Variants in ANKRD55 observed in about 807,000 individuals in gnomAD.
The protein encoded by ANKRD55 is ankyrin repeat domain 55.
In ANKRD55, 41 loss-of-function variants were observed where a neutral mutation model predicts 60.6. The ratio of observed to expected loss-of-function variants is 0.68; its 90% CI spans 0.53 to 0.88. ANKRD55 has a LOEUF of 0.88. ANKRD55 is among the 40% of genes least tolerant of loss of function. The pLI is 0.00. For synonymous variants in ANKRD55, 264 were observed against 290.3 expected (o/e 0.91, Z 0.92); for missense variants, 732 against 767.6 (o/e 0.95, Z 0.55).
chr5:56,105,108 A>T (rs1342028152), intron 10 of ANKRD55, among the ~76,000 whole-genome samples: 1 of 140,820 alleles, frequency 7.1e-6, no homozygotes, highest in Non-Finnish European at 1.5e-5. Flanking sequence ...TTTTTTGGAG[A>T]CAGTGTCTCA....
intron 2 of ANKRD55, among the ~76,000 whole-genome samples, chr5:56,206,527 G>T (rs1759513345): frequency 6.6e-6 from 1 of 152,158 alleles, no homozygotes; most frequent in African/African-American, 2.4e-5. Flanking sequence ...CTCCTTTACG[G>T]AGCCCCTGCA....
At position 56,231,522 on chromosome 5, in the gene ANKRD55, T is replaced by A. The variant is rs1760251207; in HGVS notation, c.58+1334A>T. ...TCTTTGGTTCTTAGCAGATTTTCAC[T>A]TTTACTGACTGCCATCAGTGATATA... On this transcript the variant is annotated intron_variant, in intron 2 of 11. Transcript: ENST00000341048. Among the ~76,000 whole-genome samples, 2 of 152,122 alleles carry A rather than the reference T, an allele frequency of 1.3e-5. 1 individual carries two copies. Among genetic ancestry groups the A allele is most frequent in the South Asian group, 4.1e-4 (2 of 4,830 alleles).
intron 9 of ANKRD55, among the ~76,000 whole-genome samples, chr5:56,112,504 CAA>C (rs1187255213): frequency 3.9e-5 from 1 of 25,694 alleles, no homozygotes. Context: ...TCATCTCTAG[CAA>C]AAAAAAAAAA....
rs945441095 is a variant in ANKRD55, at chr5:56,206,361, C to T, written c.59-22727G>A. ...AAAGTGTATGAGTATGCTTTCCGTA[C>T]AGTCATAGATTGGCAGTAGTTCCCG... On this transcript the variant is annotated intron_variant, in intron 2 of 11. Coordinates refer to ENST00000341048, the MANE Select transcript of ANKRD55 (RefSeq NM_024669.3). Among the ~76,000 whole-genome samples the T allele has an allele frequency of 3.3e-5, 5 of 152,136 alleles. No homozygotes were observed. In the East Asian group the frequency reaches 9.6e-4, roughly 29 times the overall value.
At chr5:56,134,698 G>GT (rs1316582610) in intron 7 of ANKRD55, among the ~76,000 whole-genome samples, 2 of 152,040 alleles carry the variant, frequency 1.3e-5, no homozygotes, top group Non-Finnish European at 2.9e-5. Context: ...AAATATAACG[G>GT]TTTTTTAAGA....
intron 6 of ANKRD55, among the ~76,000 whole-genome samples, chr5:56,149,847 T>G (rs546012543): frequency 1.3e-5 from 2 of 151,386 alleles, no homozygotes; most frequent in African/African-American, 2.4e-5. Context: ...TAACTTCTTT[T>G]TTTTTTTTTT....
intron 2 of ANKRD55, among the ~76,000 whole-genome samples, chr5:56,214,690 AGGTGCTG>A (rs140684021): frequency 0.039 from 5,911 of 152,282 alleles, 142 homozygotes; most frequent in African/African-American, 0.069. Flanking sequence ...TAAACAGTGA[AGGTGCTG>A]GGTTATATAT....
intron 2 of ANKRD55, among the ~76,000 whole-genome samples, chr5:56,199,469 A>T (rs968305534): frequency 5.9e-5 from 9 of 152,170 alleles, no homozygotes; most frequent in Admixed American, 1.3e-4. Flanking sequence ...GCTTATTTTA[A>T]GTGATCACCA....
At chr5:56,109,743 C>T (rs551784785) in intron 10 of ANKRD55, among the ~76,000 whole-genome samples, 1 of 152,074 alleles carries the variant, frequency 6.6e-6, no homozygotes, top group Non-Finnish European at 1.5e-5. Context: ...AATTCTATGC[C>T]AGGCGCGGTG....
chr5:56,213,056 A>G (rs886769003), intron 2 of ANKRD55, among the ~76,000 whole-genome samples: 1 of 152,170 alleles, frequency 6.6e-6, no homozygotes, highest in African/African-American at 2.4e-5. Context: ...CTGGATAAAA[A>G]CTTTATTGTG....
intron 2 of ANKRD55, among the ~76,000 whole-genome samples, chr5:56,201,565 C>A (rs1273313918): frequency 6.6e-6 from 1 of 152,182 alleles, no homozygotes; most frequent in Non-Finnish European, 1.5e-5. Context: ...AGCTATGTGA[C>A]CTTAGGCAAG....
At chr5:56,144,477 G>C (rs546025368) in intron 6 of ANKRD55, among the ~76,000 whole-genome samples, 2 of 149,938 alleles carry the variant, frequency 1.3e-5, no homozygotes, top group African/African-American at 4.9e-5. Flanking sequence ...CTAAAGGCTG[G>C]AGAAATAGCT....
chr5:56,180,982 T>C (rs2111828711), intron 3 of ANKRD55, among the ~76,000 whole-genome samples: 1 of 152,228 alleles, frequency 6.6e-6, no homozygotes. Context: ...GAGGATCACC[T>C]GAGAGGTCAG....
At position 56,126,932 on chromosome 5, in the gene ANKRD55, C is replaced by G. The variant is rs1561259683; in HGVS notation, c.787G>C (p.Val263Leu). ...GGTTACCATGGATACCTGTCATCCA[C>G]ATCCAGAGCCTGCAGGTTACACTCA... ...VPECNLQALD[V>L]DDRTPLHWAA... The change falls in exon 8 of 12, where the codon GTG becomes CTG. Residue 263 changes from valine to leucine, a missense_variant. By Grantham distance (32) the Val-to-Leu change is conservative. Coordinates refer to ENST00000341048, the MANE Select transcript of ANKRD55 (RefSeq NM_024669.3). 1 of 1,608,080 alleles carries G rather than the reference C, an allele frequency of 6.2e-7. No individual in the cohort carries two copies. Among genetic ancestry groups the G allele is most frequent in the Non-Finnish European group, 8.5e-7 (1 of 1,176,542 alleles).
intron 7 of ANKRD55, chr5:56,136,889 C>T (rs535364868): frequency 1.5e-4 from 59 of 382,414 alleles, no homozygotes; most frequent in South Asian, 3.2e-4. Flanking sequence ...TCACTGCACT[C>T]CAGCCTGGAT....
intron 7 of ANKRD55, among the ~76,000 whole-genome samples, chr5:56,135,467 T>C (rs1206716250): frequency 6.6e-6 from 1 of 151,744 alleles, no homozygotes; most frequent in Non-Finnish European, 1.5e-5. Context: ...CCTCCCAGGT[T>C]CAAGCGATTC....
chr5:56,151,471 C>A (rs1017231630), intron 6 of ANKRD55, among the ~76,000 whole-genome samples: 3 of 152,090 alleles, frequency 2.0e-5, no homozygotes, highest in Non-Finnish European at 4.4e-5. Flanking sequence ...ATGACTTTTT[C>A]TTGAATTTAA....
At chr5:56,137,259 C>T in intron 7 of ANKRD55, 1 of 1,603,566 alleles carries the variant, frequency 6.2e-7, no homozygotes, top group Non-Finnish European at 8.5e-7. Flanking sequence ...GCTGCACATG[C>T]TTAAAAATGC....
intron 2 of ANKRD55, among the ~76,000 whole-genome samples, chr5:56,210,997 G>A (rs1470872597): frequency 6.6e-6 from 1 of 152,138 alleles, no homozygotes; most frequent in Non-Finnish European, 1.5e-5. Flanking sequence ...CTGGAACTGT[G>A]GCTTGGGGAG....
Sources: allele counts gnomAD v4.1 joint callset (sites outside exome capture counted in the v4.1 genomes callset), GRCh38; gene constraint gnomAD v4.1.1; transcripts MANE v1.5; gene names NCBI Gene and HGNC (gene_info 2026-07-23, HGNC 2026-07-21).